RANBP2: variants seen among roughly 807,000 people sequenced by gnomAD.
RANBP2 encodes the protein RAN binding protein 2, also known as E3 SUMO-protein ligase RanBP2.
RANBP2 carries 57 observed loss-of-function variants against 303.6 expected under a neutral mutation model. That is an observed-to-expected ratio of 0.19 (90% CI 0.15 to 0.23). The LOEUF is 0.23. Among genes scored for constraint, RANBP2 ranks in the 10% least tolerant of loss-of-function variants. RANBP2 has a pLI of 1.00. For missense variants in RANBP2, 3,138 were observed against 3,780.8 expected (o/e 0.83, Z 4.46); for synonymous variants, 1,167 against 1,301.5 (o/e 0.90, Z 2.23).
the RANBP2 span, among the ~76,000 whole-genome samples, chr2:109,456,233 A>C: frequency 2.6e-5 from 4 of 152,206 alleles, no homozygotes; most frequent in Non-Finnish European, 5.9e-5. Context: ...TTGGCTGGGC[A>C]GAAGGGGTCG....
the RANBP2 span, among the ~76,000 whole-genome samples, chr2:108,901,907 C>G: frequency 1.3e-5 from 2 of 151,946 alleles, no homozygotes; most frequent in African/African-American, 4.8e-5. Flanking sequence ...AGTTCAAGAC[C>G]AGTCTGGCCA....
At chr2:109,729,689 G>A in the RANBP2 span, among the ~76,000 whole-genome samples, 2 of 152,042 alleles carry the variant, frequency 1.3e-5, no homozygotes, top group South Asian at 4.2e-4. Context: ...TATTGGAGAT[G>A]TGGTAAAGGT....
the RANBP2 span, among the ~76,000 whole-genome samples, chr2:109,352,658 C>A: frequency 1.3e-5 from 2 of 152,206 alleles, no homozygotes; most frequent in East Asian, 3.9e-4. Flanking sequence ...TGAAGTTACC[C>A]GAGAAACTCA....
chr2:108,815,967 A>G, the RANBP2 span: 1 of 1,611,982 alleles, frequency 6.2e-7, no homozygotes, highest in South Asian at 1.1e-5. Context: ...AAGTTTATGA[A>G]CTTTTAACTG....
chr2:109,185,293 C>A, the RANBP2 span, among the ~76,000 whole-genome samples: 3 of 152,012 alleles, frequency 2.0e-5, no homozygotes, highest in Admixed American at 6.6e-5. Flanking sequence ...GAATAAAATC[C>A]CATGTAAGAG....
chr2:109,347,619 G>A, the RANBP2 span: 5 of 1,583,150 alleles, frequency 3.2e-6, no homozygotes, highest in Non-Finnish European at 3.4e-6. Flanking sequence ...CAGATCCACT[G>A]TGGGGCATTG....
the RANBP2 span, among the ~76,000 whole-genome samples, chr2:108,819,130 C>A: frequency 6.6e-6 from 1 of 152,050 alleles, no homozygotes; most frequent in Non-Finnish European, 1.5e-5. Context: ...CATGGAAACA[C>A]CAAGTTAATT....
At chr2:109,405,024 C>T in the RANBP2 span, among the ~76,000 whole-genome samples, 2 of 149,126 alleles carry the variant, frequency 1.3e-5, no homozygotes, top group African/African-American at 4.9e-5. Flanking sequence ...CCTTCTCTTC[C>T]CCTACATCTC....
the RANBP2 span, chr2:109,565,861 T>C: frequency 1.2e-6 from 2 of 1,613,156 alleles, no homozygotes; most frequent in South Asian, 1.1e-5. Context: ...CAACTGTCCC[T>C]GAAAAAGAAT....
intron 7 of RANBP2, among the ~76,000 whole-genome samples, chr2:108,743,958 G>A (rs190078266): frequency 9.7e-4 from 148 of 152,306 alleles, no homozygotes; most frequent in African/African-American, 3.4e-3. Flanking sequence ...AGCATAAAAT[G>A]TAGGTTATGT....
chr2:109,054,881 T>C, the RANBP2 span, among the ~76,000 whole-genome samples: 34 of 152,182 alleles, frequency 2.2e-4, no homozygotes, highest in Non-Finnish European at 4.6e-4. Context: ...GTAGAAGTCA[T>C]GCACATGGGA....
the RANBP2 span, among the ~76,000 whole-genome samples, chr2:109,729,629 G>T: frequency 6.6e-6 from 1 of 152,076 alleles, no homozygotes; most frequent in African/African-American, 2.4e-5. Context: ...CATCCTGGGC[G>T]ACAGAGTGAG....
the RANBP2 span, among the ~76,000 whole-genome samples, chr2:109,253,030 C>CT: frequency 7.4e-3 from 1,124 of 151,020 alleles, 8 homozygotes; most frequent in South Asian, 0.024. Context: ...CTTTTTTTTT[C>CT]TTTTTTTTTA....
the RANBP2 span, among the ~76,000 whole-genome samples, chr2:108,932,840 G>T: frequency 1.5e-4 from 23 of 152,160 alleles, no homozygotes; most frequent in Non-Finnish European, 2.4e-4. Flanking sequence ...CTTCCCATCC[G>T]AGGCAGACAA....
At chr2:108,728,915 A>T (rs1376923165) in intron 1 of RANBP2, among the ~76,000 whole-genome samples, 2 of 152,192 alleles carry the variant, frequency 1.3e-5, no homozygotes, top group Non-Finnish European at 2.9e-5. Context: ...AAGTGCTGGG[A>T]TTACAGGCAT....
the RANBP2 span, chr2:109,615,600 A>T: frequency 6.2e-7 from 1 of 1,613,748 alleles, no homozygotes; most frequent in Non-Finnish European, 8.5e-7. Flanking sequence ...TGTGGACATC[A>T]GGGACTACAG....
chr2:109,396,661 T>C, the RANBP2 span, among the ~76,000 whole-genome samples: 6 of 152,352 alleles, frequency 3.9e-5, no homozygotes, highest in Non-Finnish European at 8.8e-5. Context: ...TTGACAGCAT[T>C]GAGGGGAATC....
the RANBP2 span, among the ~76,000 whole-genome samples, chr2:109,172,628 T>C: frequency 6.6e-6 from 1 of 152,168 alleles, no homozygotes; most frequent in Non-Finnish European, 1.5e-5. Flanking sequence ...GCATCACCTC[T>C]CCGGAGCCCA....
chr2:109,468,153 T>C, the RANBP2 span, among the ~76,000 whole-genome samples: 1 of 152,186 alleles, frequency 6.6e-6, no homozygotes, highest in Non-Finnish European at 1.5e-5. Context: ...CTTGTGAACA[T>C]CACAGAGTGG....
Sources: allele counts gnomAD v4.1 joint callset (sites outside exome capture counted in the v4.1 genomes callset), GRCh38; gene constraint gnomAD v4.1.1; transcripts MANE v1.5; gene names NCBI Gene and HGNC (gene_info 2026-07-23, HGNC 2026-07-21).